FAM124A: variants seen among roughly 807,000 people sequenced by gnomAD.
FAM124A encodes protein FAM124A.
A neutral mutation model predicts 24.5 loss-of-function variants in FAM124A; 23 were observed. That is an observed-to-expected ratio of 0.94 (90% CI 0.68 to 1.33). FAM124A has a LOEUF of 1.33. Among genes scored for constraint, FAM124A ranks in the 40% most tolerant of loss-of-function variants. The pLI is 0.00. For synonymous variants in FAM124A, 287 were observed against 314.7 expected, an observed-to-expected ratio of 0.91 and a Z score of 0.93; for missense variants, 623 against 722.8, an observed-to-expected ratio of 0.86 and a Z score of 1.58.
At chr13:51,265,673 A>G (rs1226515267) in intron 3 of FAM124A, among the ~76,000 whole-genome samples, 1 of 152,134 alleles carries the variant, frequency 6.6e-6, no homozygotes. Flanking sequence ...TATTATCATT[A>G]TCACCGCCGC....
In FAM124A at chr13:51,268,914, A is replaced by C. The variant is rs759245580; in HGVS notation, c.835-11536A>C. On this transcript the variant is annotated intron_variant, in intron 3 of 3. Transcript: ENST00000322475. ...CAAGTTATCAGAGGGCTACAGAGGC[A>C]GCAAAGCCTCAAGAGAGATGCACAA... Among the ~76,000 whole-genome samples, 15 of 152,380 alleles carry C rather than the reference A, an allele frequency of 9.8e-5. 1 individual carries two copies. The highest frequency in any genetic ancestry group is 1.6e-4 in the Non-Finnish European group (11 of 68,032).
intron 3 of FAM124A, among the ~76,000 whole-genome samples, chr13:51,264,393 C>T (rs1042989384): frequency 6.6e-6 from 1 of 152,194 alleles, no homozygotes; most frequent in African/African-American, 2.4e-5. Context: ...CTGTCAGCCC[C>T]TCTGCATCAG....
At chr13:51,253,501 A>T (rs1954646800) in intron 3 of FAM124A, 1 of 152,200 alleles carries the variant, frequency 6.6e-6, no homozygotes, top group East Asian at 1.9e-4. Context: ...TGTGAGAAAA[A>T]TTGTCTCTGT....
intron 1 of FAM124A, among the ~76,000 whole-genome samples, chr13:51,224,472 C>CA (rs537144914): frequency 0.34 from 50,503 of 150,552 alleles, 8,958 homozygotes; most frequent in Non-Finnish European, 0.4. Flanking sequence ...ACTCCATCTC[C>CA]AAAAAAAAAG....
chr13:51,227,719 G>A (rs1954330121), intron 1 of FAM124A, among the ~76,000 whole-genome samples: 1 of 152,192 alleles, frequency 6.6e-6, no homozygotes, highest in Admixed American at 6.5e-5. Flanking sequence ...CCACTCTTTT[G>A]TATGTGATGG....
intron 3 of FAM124A, among the ~76,000 whole-genome samples, chr13:51,262,226 A>C (rs1010395874): frequency 7.2e-5 from 11 of 152,230 alleles, no homozygotes; most frequent in Non-Finnish European, 1.5e-4. Context: ...CAAACACCAG[A>C]TCAAAAACCT....
chr13:51,235,652 T>C (rs2137654792), intron 2 of FAM124A, among the ~76,000 whole-genome samples: 1 of 152,378 alleles, frequency 6.6e-6, no homozygotes. Flanking sequence ...CTCCTAATTT[T>C]GCCTCTAAAA....
intron 2 of FAM124A, among the ~76,000 whole-genome samples, chr13:51,234,517 C>T (rs948858215): frequency 2.6e-5 from 4 of 152,200 alleles, no homozygotes; most frequent in Non-Finnish European, 5.9e-5. Flanking sequence ...TAGCCACATG[C>T]TCTTGGGTCA....
At chr13:51,237,765 T>C (rs551500377) in intron 2 of FAM124A, among the ~76,000 whole-genome samples, 20 of 146,652 alleles carry the variant, frequency 1.4e-4, no homozygotes, top group African/African-American at 3.6e-4. Flanking sequence ...GTAGTATCTA[T>C]TGTATTCCAG....
Position 51,284,102 on chromosome 13 carries a change from C to T in FAM124A, c.*2846C>T, listed in dbSNP as rs1382073298. On this transcript the variant is annotated 3_prime_UTR_variant, in exon 4 of 4. Coordinates refer to ENST00000322475, the MANE Select transcript of FAM124A (RefSeq NM_001242312.2). ...TTTACCAAAGCCTTCCCTTCCATTC[C>T]TGGCCATTCCAGTAGCATCTTCCTC... 3 of 152,242 alleles carry T rather than the reference C, an allele frequency of 2.0e-5. No individual in the cohort carries two copies. Among genetic ancestry groups the T allele is most frequent in the African/African-American group, 7.2e-5 (3 of 41,452 alleles). The allele number at this position is 152,242 out of a possible 1,614,324, so 9.4% of individuals were successfully genotyped here.
intron 3 of FAM124A, among the ~76,000 whole-genome samples, chr13:51,268,518 T>C (rs1016481866): frequency 1.3e-5 from 2 of 152,222 alleles, no homozygotes; most frequent in African/African-American, 4.8e-5. Context: ...GCTCAGTCTT[T>C]TAGTTGCTTT....
chr13:51,234,848 A>AGGTC (rs1456505400), intron 2 of FAM124A, among the ~76,000 whole-genome samples: 3 of 152,128 alleles, frequency 2.0e-5, no homozygotes. Flanking sequence ...AGCTGCCTAT[A>AGGTC]GGTCGGTCAC....
intron 2 of FAM124A, among the ~76,000 whole-genome samples, chr13:51,235,742 T>C (rs1257855623): frequency 6.6e-6 from 1 of 152,226 alleles, no homozygotes; most frequent in Non-Finnish European, 1.5e-5. Context: ...AGGAATGCCT[T>C]GTAGACAGCA....
intron 3 of FAM124A, among the ~76,000 whole-genome samples, chr13:51,262,927 C>A (rs1954751164): frequency 6.6e-6 from 1 of 152,264 alleles, no homozygotes; most frequent in Non-Finnish European, 1.5e-5. Flanking sequence ...ACATGACCAG[C>A]ATCGACTGGC....
intron 3 of FAM124A, among the ~76,000 whole-genome samples, chr13:51,278,924 C>T (rs1434535449): frequency 5.9e-5 from 9 of 152,190 alleles, no homozygotes; most frequent in Non-Finnish European, 1.3e-4. Context: ...TGCATGGGAA[C>T]CTTGACCTTC....
At chr13:51,269,271 A>G (rs1247744077) in intron 3 of FAM124A, among the ~76,000 whole-genome samples, 1 of 152,256 alleles carries the variant, frequency 6.6e-6, no homozygotes, top group Non-Finnish European at 1.5e-5. Context: ...CAGTAAAAAT[A>G]CATGATATTA....
intron 2 of FAM124A, among the ~76,000 whole-genome samples, chr13:51,241,176 T>A (rs1484895245): frequency 6.6e-6 from 1 of 152,228 alleles, no homozygotes; most frequent in Non-Finnish European, 1.5e-5. Flanking sequence ...AATTACTAAG[T>A]TTATCTGCTG....
Position 51,222,442 on chromosome 13 carries a change from A to G in FAM124A, c.-60A>G. ...GGCCGGCTCGGACTGGGCGGCCGGG[A>G]GGGAGGGCGCCCCGGGTCACGACGG... On this transcript the variant is annotated 5_prime_UTR_variant, in exon 1 of 4. Coordinates refer to ENST00000322475, the MANE Select transcript of FAM124A (RefSeq NM_001242312.2). 1.7e-6 allele frequency: 2 copies of G among 1,172,858 alleles called. No individual in the cohort carries two copies. Among genetic ancestry groups the G allele is most frequent in the Non-Finnish European group, 2.1e-6 (2 of 948,706 alleles). 72.7% of individuals were successfully genotyped at this position (1,172,858 alleles called of 1,614,324 possible).
intron 1 of FAM124A, among the ~76,000 whole-genome samples, chr13:51,229,350 C>T (rs556950198): frequency 2.2e-4 from 33 of 152,326 alleles, no homozygotes; most frequent in Non-Finnish European, 4.0e-4. Context: ...GCTGACCATT[C>T]GGCGGGCCCA....
Sources: allele counts gnomAD v4.1 joint callset (sites outside exome capture counted in the v4.1 genomes callset), GRCh38; gene constraint gnomAD v4.1.1; transcripts MANE v1.5; gene names NCBI Gene and HGNC (gene_info 2026-07-23, HGNC 2026-07-21).